Variants in ABCB5 observed in about 807,000 individuals in gnomAD.
ABCB5 encodes ATP-binding cassette sub-family B member 5.
Under a neutral mutation model 144.2 loss-of-function variants are expected in ABCB5, and 155 were observed. The observed-to-expected ratio is 1.08, with a 90% CI of 0.94 to 1.23. ABCB5 has a LOEUF of 1.23. Ranked by LOEUF, ABCB5 falls within the 50% of genes most tolerant of loss-of-function variation. ABCB5 has a pLI of 0.00. For missense variants in ABCB5, 1,830 were observed against 1,520.8 expected (o/e 1.20, Z -3.38); for synonymous variants, 610 against 528.6 (o/e 1.15, Z -2.11).
At position 20,685,707 on chromosome 7, in the gene ABCB5, A is replaced by C; in HGVS notation, c.1881A>C (p.Lys627Asn). The C allele has an allele frequency of 6.2e-7, 1 of 1,606,046 alleles. No individual in the cohort carries two copies. Residue 627 changes from lysine to asparagine, a missense_variant, in exon 16 of 28, where the codon AAA (lysine) becomes AAC (asparagine). Transcript: ENST00000404938. ...YSLVMSQDIKKADEQMESMTY... is the reference protein window; with the variant it reads ...YSLVMSQDIKNADEQMESMTY... Reference sequence around the variant, plus strand: ...ATTCTTCCTGTAAGGATATTAAAAAAGCTGATGAACAGATGGAGTCAATGA... The same window carrying C: ...ATTCTTCCTGTAAGGATATTAAAAACGCTGATGAACAGATGGAGTCAATGA...
At chr7:20,666,205 A>T (rs1032219740) in intron 14 of ABCB5, among the ~76,000 whole-genome samples, 1 of 151,558 alleles carries the variant, frequency 6.6e-6, no homozygotes, top group South Asian at 2.1e-4. Context: ...CGATAACAGC[A>T]CTACATCATG....
At position 20,643,623 on chromosome 7, in the gene ABCB5, A is replaced by G. The variant is rs367998423; in HGVS notation, c.669A>G (p.Ala223=). 1.2e-6 allele frequency: 2 copies of G among 1,613,794 alleles called. No individual in the cohort carries two copies. The highest frequency in any genetic ancestry group is 1.7e-6 in the Non-Finnish European group (2 of 1,179,880). ...TSPLIMASAA[A]CSRMVISLTS... Reference sequence around the variant, plus strand: ...CTCTTATAATGGCTTCAGCGGCAGCATGTTCTAGGGTAAGTGAGATGGCTA... The same window carrying G: ...CTCTTATAATGGCTTCAGCGGCAGCGTGTTCTAGGGTAAGTGAGATGGCTA... Residue 223 remains alanine, a synonymous_variant, in exon 7 of 28, where the codon GCA becomes GCG. Coordinates refer to ENST00000404938, the MANE Select transcript of ABCB5 (RefSeq NM_001163941.2).
chr7:20,714,497 TAG>T (rs1781606965), intron 20 of ABCB5, among the ~76,000 whole-genome samples: 1 of 152,186 alleles, frequency 6.6e-6, no homozygotes, highest in Non-Finnish European at 1.5e-5. Context: ...TCAATTCTTG[TAG>T]TACTCCTCGA....
chr7:20,651,498 C>A lies in ABCB5; in HGVS notation c.1411C>A (p.Pro471Thr), dbSNP rs368790773. The change falls in exon 13 of 28, where the codon CCT becomes ACT. Residue 471 changes from proline to threonine, a missense_variant. Pro to Thr is a conservative substitution (Grantham distance 38, BLOSUM62 -1). Coordinates refer to ENST00000404938, the MANE Select transcript of ABCB5 (RefSeq NM_001163941.2). ...RDHIGVVSQE[P>T]VLFGTTISNN... ...CCATATTGGAGTGGTTAGTCAAGAG[C>A]CTGTTTTGTTCGGGACCACCATCAG... 1.2e-6 allele frequency: 2 copies of A among 1,613,946 alleles called. No homozygotes were observed. The highest frequency in any genetic ancestry group is 1.7e-6 in the Non-Finnish European group (2 of 1,179,994).
At chr7:20,725,230 G>A (rs183684522) in intron 21 of ABCB5, among the ~76,000 whole-genome samples, 3 of 152,176 alleles carry the variant, frequency 2.0e-5, no homozygotes, top group African/African-American at 4.8e-5. Flanking sequence ...AAAATGTATC[G>A]GTCCTTCTTC....
intron 16 of ABCB5, among the ~76,000 whole-genome samples, chr7:20,690,350 C>T (rs559854091): frequency 6.6e-6 from 1 of 152,280 alleles, no homozygotes; most frequent in South Asian, 2.1e-4. Context: ...ATAACTGTAT[C>T]ACAACTTTAG....
chr7:20,649,216 C>T (rs539467721), intron 11 of ABCB5, among the ~76,000 whole-genome samples: 3 of 152,270 alleles, frequency 2.0e-5, no homozygotes, highest in African/African-American at 7.2e-5. Flanking sequence ...TCCCCGATTT[C>T]TCACCTCCTT....
At chr7:20,702,890 A>G (rs1786681797) in intron 19 of ABCB5, among the ~76,000 whole-genome samples, 1 of 142,510 alleles carries the variant, frequency 7.0e-6, no homozygotes, top group Admixed American at 7.3e-5. Flanking sequence ...GTTAGCCAAG[A>G]TGGTCTCGAT....
At chr7:20,650,342 C>G (rs1041503348) in intron 12 of ABCB5, among the ~76,000 whole-genome samples, 195 bp downstream of exon 12, 7 of 152,140 alleles carry the variant, frequency 4.6e-5, no homozygotes, top group Non-Finnish European at 8.8e-5. Context: ...GTTTTAGGTT[C>G]TGAGAATACC....
chr7:20,627,186 G>T (rs574457821), intron 3 of ABCB5, among the ~76,000 whole-genome samples: 2 of 152,090 alleles, frequency 1.3e-5, no homozygotes, highest in South Asian at 4.2e-4. Flanking sequence ...TGTCAGCCTG[G>T]CTGTCAATGT....
At chr7:20,647,382 G>A (rs550600725) in intron 9 of ABCB5, 153 bp from the exon 10 acceptor site, 1,224 of 1,376,746 alleles carry the variant, frequency 8.9e-4, no homozygotes, top group Non-Finnish European at 1.1e-3. Flanking sequence ...AGTGTAATCT[G>A]TGTTCTTTTT....
In ABCB5 at chr7:20,704,717, TC is replaced by T. The variant is rs1786760683; in HGVS notation, c.2338-6del. On this transcript the variant is annotated splice_region_variant and splice_polypyrimidine_tract_variant and intron_variant, in intron 19 of 27. Coordinates refer to ENST00000404938, the MANE Select transcript of ABCB5 (RefSeq NM_001163941.2). Reference sequence around the variant, plus strand: ...GACAACCATATGTTAATTCTCCTTTTCTCTAGGATATTGCCTGGTTTGATGA... The same window carrying T: ...GACAACCATATGTTAATTCTCCTTTTTCTAGGATATTGCCTGGTTTGATGA... 1 of 1,610,196 alleles carries T rather than the reference TC, an allele frequency of 6.2e-7. No individual in the cohort carries two copies. The highest frequency in any genetic ancestry group is 1.1e-5 in the South Asian group (1 of 90,296).
intron 14 of ABCB5, among the ~76,000 whole-genome samples, chr7:20,666,448 G>A (rs940048417): frequency 3.3e-5 from 5 of 152,166 alleles, no homozygotes; most frequent in African/African-American, 1.2e-4. Flanking sequence ...CTATGTTTAC[G>A]GCAAGTCCCA....
At chr7:20,673,654 T>C (rs1313255077) in intron 14 of ABCB5, among the ~76,000 whole-genome samples, 1 of 151,996 alleles carries the variant, frequency 6.6e-6, no homozygotes, top group Non-Finnish European at 1.5e-5. Context: ...TGTTTCTTTA[T>C]ATTTAAAATG....
intron 14 of ABCB5, among the ~76,000 whole-genome samples, chr7:20,660,803 C>G (rs1054609535): frequency 2.0e-5 from 3 of 152,188 alleles, no homozygotes; most frequent in Admixed American, 2.0e-4. Flanking sequence ...TGTATCCCTC[C>G]TCCCTGGTGA....
chr7:20,700,307 G>A (rs574032291), intron 19 of ABCB5, among the ~76,000 whole-genome samples, 172 bp downstream of exon 19: 17 of 152,206 alleles, frequency 1.1e-4, no homozygotes, highest in Admixed American at 6.5e-4. Flanking sequence ...TCTAAAAGAA[G>A]CAAGTCCAAA....
chr7:20,661,480 G>C (rs1784999584), intron 14 of ABCB5, among the ~76,000 whole-genome samples: 1 of 151,742 alleles, frequency 6.6e-6, no homozygotes, highest in African/African-American at 2.4e-5. Flanking sequence ...TTCGATGAGT[G>C]TGATCCAGGA....
In ABCB5 at chr7:20,650,013, T is replaced by G; in HGVS notation, c.1207-9T>G. ...GGTTTTATGATTTTCCCTCCATACA[T>G]TCCAATAGATTCTGAAAGGTCTGAA... On this transcript the variant is annotated splice_polypyrimidine_tract_variant and intron_variant, in intron 11 of 27. Transcript: ENST00000404938. 3.7e-6 allele frequency: 6 copies of G among 1,608,596 alleles called. No individual in the cohort carries two copies. The highest frequency in any genetic ancestry group is 5.1e-6 in the Non-Finnish European group (6 of 1,177,012).
intron 23 of ABCB5, among the ~76,000 whole-genome samples, chr7:20,735,239 T>G (rs147829767): frequency 1.3e-5 from 2 of 152,210 alleles, no homozygotes; most frequent in East Asian, 3.8e-4. Context: ...GTTTCCTAGT[T>G]CTCTTAAAAA....
Sources: allele counts gnomAD v4.1 joint callset (sites outside exome capture counted in the v4.1 genomes callset), GRCh38; gene constraint gnomAD v4.1.1; transcripts MANE v1.5; gene names NCBI Gene and HGNC (gene_info 2026-07-23, HGNC 2026-07-21).